Variants in KLHDC1 observed in about 807,000 individuals in gnomAD.
The protein encoded by KLHDC1 is kelch domain containing 1, also known as kelch domain-containing protein 1.
A neutral mutation model predicts 68.3 loss-of-function variants in KLHDC1; 53 were observed. The observed-to-expected ratio is 0.78, with a 90% CI of 0.62 to 0.98. The LOEUF (loss-of-function observed/expected upper bound fraction) is 0.98. KLHDC1 is among the 50% of genes least tolerant of loss of function. KLHDC1 has a pLI of 0.00. For missense variants in KLHDC1, 470 were observed against 492.3 expected (o/e 0.95, Z 0.43); for synonymous variants, 148 against 159.0 (o/e 0.93, Z 0.52).
intron 12 of KLHDC1, among the ~76,000 whole-genome samples, chr14:49,749,764 A>G (rs1305361471): frequency 6.6e-6 from 1 of 151,878 alleles, no homozygotes; most frequent in Non-Finnish European, 1.5e-5. Context: ...TGGGGCTACT[A>G]TAAAAATTAG....
At chr14:49,703,535 G>T (rs982263957) in intron 1 of KLHDC1, among the ~76,000 whole-genome samples, 1 of 151,968 alleles carries the variant, frequency 6.6e-6, no homozygotes, top group Admixed American at 6.6e-5. Context: ...TAGAAACGGG[G>T]TTTCACCATG....
rs140635376 is a variant in KLHDC1, at chr14:49,734,523, G to T, written c.824-66G>T. The T allele has an allele frequency of 1.1e-4, 98 of 866,576 alleles. No homozygotes were observed. In the African/African-American group the frequency reaches 1.6e-3, roughly 14 times the overall value. The allele number at this position is 866,576 out of a possible 1,614,324, so 53.7% of individuals were successfully genotyped here. A position where few individuals can be genotyped will look rare whatever the true frequency, so the allele number is the denominator to read the frequency against. On this transcript the variant is annotated intron_variant, in intron 9 of 12. Transcript: ENST00000359332. ...TCATTTAAATGTAGCATGATAAATT[G>T]GGGGGAAAATTAAAATTGTATCCCA...
chr14:49,704,787 G>T (rs1012159626), intron 1 of KLHDC1, among the ~76,000 whole-genome samples: 1 of 152,104 alleles, frequency 6.6e-6, no homozygotes, highest in African/African-American at 2.4e-5. Flanking sequence ...AGACATGTTT[G>T]TATATTAATA....
chr14:49,743,566 C>G (rs940354213), intron 11 of KLHDC1, among the ~76,000 whole-genome samples, 187 bp from the exon 12 acceptor site: 9 of 151,954 alleles, frequency 5.9e-5, no homozygotes, highest in African/African-American at 9.7e-5. Context: ...TTGTAGGTAG[C>G]AGGTATATGT....
chr14:49,694,680 C>T (rs1015061158), intron 1 of KLHDC1, among the ~76,000 whole-genome samples: 2 of 151,922 alleles, frequency 1.3e-5, no homozygotes, highest in African/African-American at 4.8e-5. Flanking sequence ...ATGGTGAAAC[C>T]CCGTCTCTAC....
At chr14:49,693,362 C>G in intron 1 of KLHDC1, 72 bp downstream of exon 1, 1 of 1,107,800 alleles carries the variant, frequency 9.0e-7, no homozygotes, top group Non-Finnish European at 1.2e-6. Context: ...CAGCGCCCGC[C>G]ACACCCGCTC....
Position 49,732,706 on chromosome 14 carries a change from T to C in KLHDC1, c.713T>C (p.Ile238Thr), listed in dbSNP as rs1389826709. 6.7e-7 allele frequency: 1 copy of C among 1,494,982 alleles called. No individual in the cohort carries two copies. Among genetic ancestry groups the C allele is most frequent in the Non-Finnish European group, 9.3e-7 (1 of 1,073,858 alleles). 92.6% of individuals were successfully genotyped at this position (1,494,982 alleles called of 1,614,324 possible). ...CTTTCTTTTTCTCCTTGCCACAGGATTACTATTAATGGAGAAAGCCCAAAA... is the reference window on the plus strand; with the variant it reads ...CTTTCTTTTTCTCCTTGCCACAGGACTACTATTAATGGAGAAAGCCCAAAA... The part of the protein sequence containing the change: ...NLDTWTWSGR[I>T]TINGESPKHR... Residue 238 changes from isoleucine to threonine, a missense_variant and splice_region_variant, in exon 9 of 13, where the codon ATT (isoleucine) becomes ACT (threonine). Transcript: ENST00000359332.
At chr14:49,740,260 T>C (rs981805063) in intron 11 of KLHDC1, 78 bp downstream of exon 11, 5 of 807,870 alleles carry the variant, frequency 6.2e-6, no homozygotes, top group Non-Finnish European at 1.0e-5. Flanking sequence ...GCAAGAATGT[T>C]GATATTCTAA....
chr14:49,704,050 T>C (rs773202909), intron 1 of KLHDC1, among the ~76,000 whole-genome samples: 4 of 152,224 alleles, frequency 2.6e-5, no homozygotes, highest in Non-Finnish European at 4.4e-5. Flanking sequence ...AAAATATTTG[T>C]ATCAATTTAC....
rs528173783 is a variant in KLHDC1 at position 49,709,429 on chromosome 14, T to A, written c.167+200T>A. Reference sequence around the variant, plus strand: ...CTGCTCCACTTTTTGTCTTTTAGTATTTCTCTCAAGACCAGTGCTGTCTCT... The same window carrying A: ...CTGCTCCACTTTTTGTCTTTTAGTAATTCTCTCAAGACCAGTGCTGTCTCT... On this transcript the variant is annotated intron_variant, in intron 2 of 12. Coordinates refer to ENST00000359332, the MANE Select transcript of KLHDC1 (RefSeq NM_172193.3). Among the ~76,000 whole-genome samples, 47 of 152,322 alleles carry A rather than the reference T, an allele frequency of 3.1e-4. 1 individual carries two copies. In the South Asian group the frequency reaches 9.5e-3, roughly 31 times the overall value.
chr14:49,738,048 A>T (rs865921277), intron 10 of KLHDC1, among the ~76,000 whole-genome samples: 10 of 151,878 alleles, frequency 6.6e-5, no homozygotes, highest in African/African-American at 2.4e-4. Context: ...TTGTTTTTTG[A>T]GATGGAGTCT....
chr14:49,744,760 G>A (rs1388001871), intron 12 of KLHDC1, among the ~76,000 whole-genome samples: 12 of 152,120 alleles, frequency 7.9e-5, no homozygotes, highest in African/African-American at 2.9e-4. Flanking sequence ...AGATGCAACT[G>A]TCATAAGCCT....
At chr14:49,733,522 G>T (rs1355718816) in intron 9 of KLHDC1, among the ~76,000 whole-genome samples, 2 of 151,394 alleles carry the variant, frequency 1.3e-5, no homozygotes, top group African/African-American at 4.9e-5. Flanking sequence ...CCACCTCCCG[G>T]GTTCAAGCGA....
chr14:49,695,691 T>C (rs1463027954), intron 1 of KLHDC1, among the ~76,000 whole-genome samples: 1 of 152,184 alleles, frequency 6.6e-6, no homozygotes, highest in African/African-American at 2.4e-5. Flanking sequence ...TCCTTTGAAA[T>C]TGGACATTGA....
chr14:49,749,195 A>G (rs1356007904), intron 12 of KLHDC1, among the ~76,000 whole-genome samples: 1 of 152,156 alleles, frequency 6.6e-6, no homozygotes, highest in Admixed American at 6.5e-5. Context: ...GAGTGAACTT[A>G]ATCATGCTAA....
At chr14:49,736,761 G>C (rs940519071) in intron 10 of KLHDC1, among the ~76,000 whole-genome samples, 1 of 152,148 alleles carries the variant, frequency 6.6e-6, no homozygotes, top group African/African-American at 2.4e-5. Context: ...ATGTTTAGCA[G>C]CATCCCTGTC....
chr14:49,699,508 G>A (rs1887841490), intron 1 of KLHDC1, among the ~76,000 whole-genome samples: 1 of 151,962 alleles, frequency 6.6e-6, no homozygotes, highest in African/African-American at 2.4e-5. Context: ...TTCTAAACAA[G>A]ATAGTTAAAA....
At chr14:49,712,671 C>G (rs1375520489) in intron 4 of KLHDC1, among the ~76,000 whole-genome samples, 2 of 150,350 alleles carry the variant, frequency 1.3e-5, no homozygotes, top group Non-Finnish European at 3.0e-5. Context: ...CTGGCTAGTT[C>G]TTTTTGTATC....
intron 4 of KLHDC1, among the ~76,000 whole-genome samples, chr14:49,721,339 T>TC (rs2139749987): frequency 6.6e-6 from 1 of 152,040 alleles, no homozygotes. Context: ...CACCTTTCTT[T>TC]CCTTTTTTTT....
Sources: allele counts gnomAD v4.1 joint callset (sites outside exome capture counted in the v4.1 genomes callset), GRCh38; gene constraint gnomAD v4.1.1; transcripts MANE v1.5; gene names NCBI Gene and HGNC (gene_info 2026-07-23, HGNC 2026-07-21).